Variants in DCHS2 observed in about 807,000 individuals in gnomAD.
DCHS2 encodes the protein dachsous cadherin-related 2.
A neutral mutation model predicts 182.4 loss-of-function variants in DCHS2; 142 were observed. The observed-to-expected ratio is 0.78, with a 90% CI of 0.68 to 0.89. DCHS2 has a LOEUF of 0.89. DCHS2 is among the 40% of genes least tolerant of loss of function. The pLI is 0.00. For synonymous variants in DCHS2, 1,740 were observed against 1,663.3 expected, an observed-to-expected ratio of 1.05 and a Z score of -1.12; for missense variants, 4,319 against 4,198.6, an observed-to-expected ratio of 1.03 and a Z score of -0.79.
chr4:154,419,277 T>C (rs576946583), intron 1 of DCHS2, among the ~76,000 whole-genome samples: 48 of 152,358 alleles, frequency 3.2e-4, no homozygotes, highest in Middle Eastern at 3.4e-3. Context: ...TGGACTTACG[T>C]AGGTTATTAT....
At chr4:154,370,513 C>T (rs2110784548) in intron 2 of DCHS2, among the ~76,000 whole-genome samples, 1 of 151,958 alleles carries the variant, frequency 6.6e-6, no homozygotes, top group South Asian at 2.1e-4. Flanking sequence ...TGAGGGTCAT[C>T]CAAAAGAGCT....
intron 1 of DCHS2, among the ~76,000 whole-genome samples, chr4:154,483,208 C>T (rs1490672): frequency 0.23 from 35,126 of 151,446 alleles, 5,070 homozygotes; most frequent in East Asian, 0.66. Flanking sequence ...GAATTACAAC[C>T]GAACAGAGAA....
At chr4:154,410,365 C>A (rs187569161) in intron 1 of DCHS2, among the ~76,000 whole-genome samples, 3 of 141,234 alleles carry the variant, frequency 2.1e-5, no homozygotes, top group Non-Finnish European at 4.6e-5. Flanking sequence ...AAACATTCAA[C>A]GAATAATATA....
chr4:154,446,646 G>A (rs1477109894), intron 1 of DCHS2, among the ~76,000 whole-genome samples: 6 of 152,094 alleles, frequency 3.9e-5, no homozygotes, highest in African/African-American at 7.2e-5. Flanking sequence ...CCTGAGTGCA[G>A]GCGATCTGGC....
At chr4:154,282,994 T>C (rs72970649) in intron 13 of DCHS2, among the ~76,000 whole-genome samples, 171 of 152,208 alleles carry the variant, frequency 1.1e-3, no homozygotes, top group African/African-American at 3.7e-3. Context: ...AAACAGAAAG[T>C]AGAATGGCAT....
chr4:154,286,549 G>A (rs2101589), intron 13 of DCHS2, among the ~76,000 whole-genome samples: 150,827 of 152,000 alleles, frequency 0.99, 74,837 homozygotes, highest in Middle Eastern at 1. Context: ...TCTGGAGTTG[G>A]AAAATACAAT....
intron 16 of DCHS2, among the ~76,000 whole-genome samples, chr4:154,245,386 T>G (rs1732025566): frequency 2.6e-5 from 4 of 152,154 alleles, no homozygotes; most frequent in Admixed American, 1.3e-4. Context: ...TCCTGTTCTA[T>G]CAACAATGGG....
At chr4:154,417,202 T>TGA (rs1393416915) in intron 1 of DCHS2, among the ~76,000 whole-genome samples, 121 of 41,974 alleles carry the variant, frequency 2.9e-3, no homozygotes, top group African/African-American at 7.7e-3. Context: ...TGTGTGTGTG[T>TGA]GTGAGAGAGA....
At chr4:154,335,203 A>AT in intron 3 of DCHS2, 99 bp from the exon 4 acceptor site, 1 of 823,846 alleles carries the variant, frequency 1.2e-6, no homozygotes, top group East Asian at 2.5e-5. Context: ...GTGATGTTTT[A>AT]TTTTATGTGT....
intron 1 of DCHS2, among the ~76,000 whole-genome samples, chr4:154,418,977 A>G (rs1379709519): frequency 1.3e-5 from 2 of 152,224 alleles, no homozygotes; most frequent in Non-Finnish European, 2.9e-5. Context: ...TGACATTTTA[A>G]AAGAAAAAAC....
chr4:154,255,618 AT>A lies in DCHS2; in HGVS notation c.6841del (p.Ile2281PhefsTer15), dbSNP rs1322801989. The A allele has an allele frequency of 2.5e-6, 4 of 1,613,938 alleles. No homozygotes were observed. The highest frequency in any genetic ancestry group is 1.7e-5 in the Admixed American group (1 of 60,002). On this transcript the variant is annotated frameshift_variant, in exon 16 of 20. Coordinates refer to ENST00000357232, the MANE Select transcript of DCHS2 (RefSeq NM_001358235.2). LOFTEE classifies it high-confidence loss of function. ...TGCTTCTTCTTGGTTGCCAGACAGAATAGAATACTCAATCAGGCCGTTCAAA... is the reference window on the plus strand; with the variant it reads ...TGCTTCTTCTTGGTTGCCAGACAGAAAGAATACTCAATCAGGCCGTTCAAA... ...SGLNGLIEYS[I>X]LSGNQEEAFQ...
At chr4:154,366,174 T>C (rs373585390) in intron 3 of DCHS2, 36 bp downstream of exon 3, 5 of 1,557,778 alleles carry the variant, frequency 3.2e-6, no homozygotes, top group East Asian at 2.3e-5. Context: ...AGAAACTTTA[T>C]AGCCAAAGGA....
At chr4:154,255,450 A>C in intron 16 of DCHS2, 69 bp downstream of exon 16, 1 of 1,524,348 alleles carries the variant, frequency 6.6e-7, no homozygotes, top group East Asian at 2.3e-5. Flanking sequence ...GAAGTTATGA[A>C]CAAAACAGCA....
At chr4:154,302,449 G>A (rs1735225898) in intron 12 of DCHS2, among the ~76,000 whole-genome samples, 1 of 152,160 alleles carries the variant, frequency 6.6e-6, no homozygotes, top group Admixed American at 6.5e-5. Flanking sequence ...GCCGAGTTGT[G>A]GGGGCTGTTT....
chr4:154,356,744 C>G (rs1476895436), intron 3 of DCHS2, among the ~76,000 whole-genome samples: 1 of 152,096 alleles, frequency 6.6e-6, no homozygotes, highest in Non-Finnish European at 1.5e-5. Flanking sequence ...TAGGTGTGTA[C>G]TGGGCTATGC....
At chr4:154,308,259 A>C (rs565561044) in intron 10 of DCHS2, among the ~76,000 whole-genome samples, 13 of 152,152 alleles carry the variant, frequency 8.5e-5, no homozygotes, top group South Asian at 2.1e-4. Context: ...AATTTAAAAA[A>C]AAAAAACAAA....
At chr4:154,357,101 A>G in intron 3 of DCHS2, 2 of 647,142 alleles carry the variant, frequency 3.1e-6, no homozygotes, top group East Asian at 5.1e-5. Flanking sequence ...ATAATCTAAC[A>G]TCAACGAACC....
chr4:154,364,352 A>C (rs1296362411), intron 3 of DCHS2, among the ~76,000 whole-genome samples: 2 of 152,190 alleles, frequency 1.3e-5, no homozygotes, highest in Non-Finnish European at 2.9e-5. Context: ...TTTTTAAAAC[A>C]ATCTGTTAAA....
intron 10 of DCHS2, among the ~76,000 whole-genome samples, chr4:154,313,242 C>T (rs376836535): frequency 5.0e-4 from 76 of 152,200 alleles, no homozygotes; most frequent in African/African-American, 1.6e-3. Context: ...CTAACAATGG[C>T]GCTCTTGTTG....
Sources: allele counts gnomAD v4.1 joint callset (sites outside exome capture counted in the v4.1 genomes callset), GRCh38; gene constraint gnomAD v4.1.1; transcripts MANE v1.5; gene names NCBI Gene and HGNC (gene_info 2026-07-23, HGNC 2026-07-21).